The following ATG7 variants were observed in gnomAD, a reference collection of about 807,000 sequenced individuals.
The protein encoded by ATG7 is ubiquitin-like modifier-activating enzyme ATG7.
ATG7 carries 70 observed loss-of-function variants against 82.4 expected under a neutral mutation model. The ratio of observed to expected loss-of-function variants is 0.85; its 90% CI spans 0.70 to 1.04. ATG7 has a LOEUF of 1.04. Among genes scored for constraint, ATG7 ranks in the 50% least tolerant of loss-of-function variants. The probability of loss-of-function intolerance (pLI) is 0.00; values close to 1 mark genes in which losing one functional copy is unlikely to be tolerated. For missense variants in ATG7, 792 were observed against 864.3 expected, an observed-to-expected ratio of 0.92 and a Z score of 1.05; for synonymous variants, 287 against 313.0, an observed-to-expected ratio of 0.92 and a Z score of 0.88.
intron 9 of ATG7, among the ~76,000 whole-genome samples, chr3:11,328,402 T>A (rs1222839185): frequency 1.3e-5 from 2 of 152,174 alleles, no homozygotes; most frequent in African/African-American, 4.8e-5. Context: ...GGAAAGGAAA[T>A]CTCAAATAAA....
intron 18 of ATG7, among the ~76,000 whole-genome samples, chr3:11,375,703 GCATGTACCA>G (rs1206821190): frequency 6.6e-6 from 1 of 152,196 alleles, no homozygotes; most frequent in Admixed American, 6.5e-5. Context: ...GGGATTACAG[GCATGTACCA>G]CAACACCTGG....
chr3:11,293,002 G>A (rs894478822), intron 3 of ATG7, among the ~76,000 whole-genome samples: 1 of 152,148 alleles, frequency 6.6e-6, no homozygotes, highest in Admixed American at 6.5e-5. Context: ...AAAAATTGAA[G>A]ATGACTTTGA....
rs2076475734 is a variant in ATG7 at position 11,364,580 on chromosome 3, A to G, written c.1800-79A>G. 3 of 1,483,680 alleles carry G rather than the reference A, an allele frequency of 2.0e-6. No individual in the cohort carries two copies. In the African/African-American group the frequency reaches 4.1e-5, roughly 21 times the overall value. 91.9% of individuals were successfully genotyped at this position (1,483,680 alleles called of 1,614,324 possible). On this transcript the variant is annotated intron_variant, in intron 17 of 20. Transcript: ENST00000693202. ...CATTTTAGTTATCCTTATGAATCTTATGTAGATTTCTGCTAGATCATCCTC... is the reference window on the plus strand; with the variant it reads ...CATTTTAGTTATCCTTATGAATCTTGTGTAGATTTCTGCTAGATCATCCTC...
chr3:11,566,816 G>C, the ATG7 span, among the ~76,000 whole-genome samples: 1 of 152,246 alleles, frequency 6.6e-6, no homozygotes, highest in South Asian at 2.1e-4. Context: ...CCTCACACAC[G>C]GCAGCCTCTG....
chr3:11,319,380 GC>G (rs67487817), intron 9 of ATG7, among the ~76,000 whole-genome samples: 30,927 of 151,876 alleles, frequency 0.2, 3,555 homozygotes, highest in South Asian at 0.35. Context: ...ACTTGATTCT[GC>G]CCCCTCCTCC....
At chr3:11,288,304 C>G (rs1944418775) in intron 3 of ATG7, among the ~76,000 whole-genome samples, 1 of 152,186 alleles carries the variant, frequency 6.6e-6, no homozygotes, top group Non-Finnish European at 1.5e-5. Flanking sequence ...TATATAGCAT[C>G]CATCCATTGG....
chr3:11,276,375 T>A (rs991838477), intron 1 of ATG7, among the ~76,000 whole-genome samples: 2 of 152,226 alleles, frequency 1.3e-5, no homozygotes, highest in African/African-American at 4.8e-5. Context: ...CATCATTTGT[T>A]CATTTTCTTT....
downstream of ATG7, chr3:11,558,342 C>A (rs188306508): frequency 1.5e-5 from 11 of 724,012 alleles, no homozygotes; most frequent in Non-Finnish European, 2.0e-5. Flanking sequence ...ATGTTCCACG[C>A]GTAGTTCCTG....
intron 20 of ATG7, among the ~76,000 whole-genome samples, chr3:11,475,907 A>ACACC (rs766157655): frequency 1.3e-4 from 19 of 146,250 alleles, no homozygotes; most frequent in African/African-American, 4.4e-4. Flanking sequence ...ACACACACAC[A>ACACC]CCCCCTCCCA....
intron 20 of ATG7, among the ~76,000 whole-genome samples, chr3:11,471,182 A>T (rs1212594543): frequency 1.3e-5 from 2 of 152,144 alleles, no homozygotes; most frequent in Non-Finnish European, 2.9e-5. Context: ...AAGGCTGGCT[A>T]GCCTTTGCTT....
chr3:11,460,056 C>T (rs764014466), intron 20 of ATG7, among the ~76,000 whole-genome samples: 1 of 152,174 alleles, frequency 6.6e-6, no homozygotes, highest in East Asian at 1.9e-4. Context: ...TCTGGGTGAT[C>T]TCAGGAAAGA....
the ATG7 span, among the ~76,000 whole-genome samples, chr3:11,575,944 G>A: frequency 1.2e-4 from 18 of 152,328 alleles, no homozygotes; most frequent in Non-Finnish European, 1.3e-4. Context: ...CGCGGAGCCC[G>A]TCCAGGTTGC....
chr3:11,296,675 C>T (rs939457614), intron 3 of ATG7, among the ~76,000 whole-genome samples: 1 of 152,200 alleles, frequency 6.6e-6, no homozygotes, highest in Non-Finnish European at 1.5e-5. Flanking sequence ...GTGTGCTGCT[C>T]CTGCACAGCA....
At chr3:11,575,571 G>A in the ATG7 span, among the ~76,000 whole-genome samples, 1 of 152,188 alleles carries the variant, frequency 6.6e-6, no homozygotes, top group Non-Finnish European at 1.5e-5. Context: ...TGGGAAACCT[G>A]GCGGATCCGG....
Position 11,286,634 on chromosome 3 carries a change from G to A in ATG7, c.-11+4196G>A, listed in dbSNP as rs538676044. ...GAGACAGGGTCTGGCTCGATCACCTGGGCTGGAGTGCAGTGGTGCCATCTT... is the reference window on the plus strand; with the variant it reads ...GAGACAGGGTCTGGCTCGATCACCTAGGCTGGAGTGCAGTGGTGCCATCTT... On this transcript the variant is annotated intron_variant, in intron 3 of 20. Coordinates refer to ENST00000693202, the MANE Select transcript of ATG7 (RefSeq NM_001349232.2). Among the ~76,000 whole-genome samples, 14 of 130,322 alleles carry A rather than the reference G, an allele frequency of 1.1e-4. No individual in the cohort carries two copies. The South Asian group carries it at 3.1e-3, about 29-fold the overall frequency. 85.5% of individuals were successfully genotyped at this position (130,322 alleles called of 152,430 possible). A position where few individuals can be genotyped will look rare whatever the true frequency, so the allele number is the denominator to read the frequency against.
rs117529977 is a variant in ATG7 at position 11,364,608 on chromosome 3, A to T, written c.1800-51A>T. 1.9e-6 allele frequency: 3 copies of T among 1,570,360 alleles called. No homozygotes were observed. The African/African-American group carries it at 4.1e-5, about 21-fold the overall frequency. ...TAGATTTCTGCTAGATCATCCTCCC[A>T]TGTGTTAAACTTGGATTAAATGAGC... On this transcript the variant is annotated intron_variant, in intron 17 of 20. Transcript: ENST00000693202.
chr3:11,460,905 G>A (rs2086241535), intron 20 of ATG7, among the ~76,000 whole-genome samples: 1 of 152,196 alleles, frequency 6.6e-6, no homozygotes, highest in African/African-American at 2.4e-5. Flanking sequence ...CCCAGAGGGT[G>A]TGTGTTTTGA....
At chr3:11,407,233 T>G (rs1185680177) in intron 19 of ATG7, among the ~76,000 whole-genome samples, 1 of 152,212 alleles carries the variant, frequency 6.6e-6, no homozygotes, top group Non-Finnish European at 1.5e-5. Flanking sequence ...AGTCAAATCT[T>G]AAAGCTCCAA....
chr3:11,346,779 G>A (rs886827302), intron 13 of ATG7, among the ~76,000 whole-genome samples: 2 of 152,226 alleles, frequency 1.3e-5, no homozygotes, highest in African/African-American at 4.8e-5. Context: ...TTGCTTAGAT[G>A]ATGAAAATAA....
Sources: gnomAD v4.1 joint callset for allele counts (sites outside exome capture counted in the v4.1 genomes callset) on GRCh38, gnomAD v4.1.1 for gene constraint, MANE v1.5 for transcripts, NCBI Gene and HGNC (gene_info 2026-07-23, HGNC 2026-07-21) for gene names.